The following LRRN3 variants were observed in gnomAD, a reference collection of about 807,000 sequenced individuals.
LRRN3 encodes leucine-rich repeat neuronal protein 3.
LRRN3 carries 15 observed loss-of-function variants against 40.1 expected under a neutral mutation model. That is an observed-to-expected ratio of 0.37 (90% CI 0.25 to 0.58). The LOEUF (loss-of-function observed/expected upper bound fraction) is 0.58. Ranked by LOEUF, LRRN3 falls within the 20% of genes least tolerant of loss-of-function variation. LRRN3 has a pLI of 0.72. For synonymous variants in LRRN3, 308 were observed against 297.2 expected (o/e 1.04, Z -0.37); for missense variants, 746 against 837.7 (o/e 0.89, Z 1.35).
At chr7:111,101,278 T>C (rs566451883) in intron 2 of LRRN3, among the ~76,000 whole-genome samples, 2 of 151,638 alleles carry the variant, frequency 1.3e-5, no homozygotes, top group South Asian at 2.1e-4. Flanking sequence ...GACCATGATA[T>C]AGATACATCC....
At position 111,111,423 on chromosome 7, in the gene LRRN3, C is replaced by A. The variant is rs913584035; in HGVS notation, c.-358-10992C>A. Among the ~76,000 whole-genome samples, 4 of 142,008 alleles carry A rather than the reference C, an allele frequency of 2.8e-5. No homozygotes were observed. In the East Asian group the frequency reaches 7.2e-4, roughly 25 times the overall value. 93.2% of individuals were successfully genotyped at this position (142,008 alleles called of 152,430 possible). On this transcript the variant is annotated intron_variant, in intron 2 of 2. Transcript: ENST00000308478. Reference sequence around the variant, plus strand: ...TCCATCCCCCCCCAAAAAAAAATGGCCCGTTAGTATTTTTACTTCCCCCGC... The same window carrying A: ...TCCATCCCCCCCCAAAAAAAAATGGACCGTTAGTATTTTTACTTCCCCCGC...
intron 2 of LRRN3, among the ~76,000 whole-genome samples, chr7:111,106,350 G>A (rs866375497): frequency 5.9e-5 from 9 of 151,920 alleles, no homozygotes; most frequent in African/African-American, 2.2e-4. Context: ...TCTGATGTGG[G>A]AAGGTCAACT....
chr7:111,113,565 A>G (rs535747664), intron 2 of LRRN3, among the ~76,000 whole-genome samples: 104 of 152,258 alleles, frequency 6.8e-4, no homozygotes, highest in Admixed American at 4.4e-3. Context: ...GACAGTCTTC[A>G]TGTGACATAA....
chr7:111,104,623 C>G (rs1052633676), intron 2 of LRRN3, among the ~76,000 whole-genome samples: 1 of 151,674 alleles, frequency 6.6e-6, no homozygotes, highest in Admixed American at 6.6e-5. Context: ...CCTATCTAGT[C>G]TTTTTGATTC....
At position 111,124,271 on chromosome 7, in the gene LRRN3, AC is replaced by A; in HGVS notation, c.1501del (p.Leu501Ter). ...GGTTTATATACTTGTATAGCAACTA[AC>A]CTAGTTGGCGCTGACTTGAAGTCTG... ...EGGLYTCIAT[N>X]LVGADLKSVM... On this transcript the variant is annotated frameshift_variant, in exon 3 of 3. Transcript: ENST00000308478. LOFTEE classifies it high-confidence loss of function. The A allele has an allele frequency of 6.2e-7, 1 of 1,613,932 alleles. No homozygotes were observed. The highest frequency in any genetic ancestry group is 8.5e-7 in the Non-Finnish European group (1 of 1,179,952).
intron 2 of LRRN3, among the ~76,000 whole-genome samples, chr7:111,108,478 A>G (rs1228690980): frequency 6.6e-6 from 1 of 152,168 alleles, no homozygotes; most frequent in Non-Finnish European, 1.5e-5. Flanking sequence ...GAGATATAAT[A>G]TATAAAAATC....
intron 1 of LRRN3, among the ~76,000 whole-genome samples, chr7:111,098,078 A>C (rs2129579305): frequency 6.6e-6 from 1 of 151,874 alleles, no homozygotes; most frequent in South Asian, 2.1e-4. Flanking sequence ...AGATAAACAT[A>C]CTCTAAGAAC....
chr7:111,097,869 T>G (rs984779312), intron 1 of LRRN3, among the ~76,000 whole-genome samples: 1 of 151,862 alleles, frequency 6.6e-6, no homozygotes, highest in African/African-American at 2.4e-5. Flanking sequence ...TCAATATATA[T>G]CTACACAGAT....
chr7:111,117,927 T>C (rs576532784), intron 2 of LRRN3, among the ~76,000 whole-genome samples: 2 of 152,242 alleles, frequency 1.3e-5, no homozygotes, highest in East Asian at 1.9e-4. Flanking sequence ...GCACACTTTG[T>C]TCTTAAGCTT....
chr7:111,098,658 A>T (rs1797651190), intron 1 of LRRN3, among the ~76,000 whole-genome samples: 1 of 151,772 alleles, frequency 6.6e-6, no homozygotes, highest in Admixed American at 6.6e-5. Flanking sequence ...CACTTAACAT[A>T]CATTTTCTCA....
chr7:111,095,315 G>C (rs1797289443), intron 1 of LRRN3, among the ~76,000 whole-genome samples: 1 of 151,762 alleles, frequency 6.6e-6, no homozygotes, highest in Non-Finnish European at 1.5e-5. Context: ...TTATTGGAGA[G>C]GCCTAGGTTA....
intron 2 of LRRN3, among the ~76,000 whole-genome samples, chr7:111,118,725 G>A (rs1252624265): frequency 2.0e-5 from 3 of 152,008 alleles, no homozygotes; most frequent in Non-Finnish European, 4.4e-5. Flanking sequence ...GCATATTAAT[G>A]AAATATCATA....
chr7:111,099,542 T>G (rs1797749381), intron 1 of LRRN3, among the ~76,000 whole-genome samples: 1 of 151,810 alleles, frequency 6.6e-6, no homozygotes, highest in Non-Finnish European at 1.5e-5. Flanking sequence ...TGTCACCTCC[T>G]GAAAGGGCTA....
chr7:111,114,777 A>G (rs1180676340), intron 2 of LRRN3, among the ~76,000 whole-genome samples: 1 of 151,932 alleles, frequency 6.6e-6, no homozygotes, highest in African/African-American at 2.4e-5. Flanking sequence ...AAAAAGAAAT[A>G]CATTGAAACC....
In LRRN3 at chr7:111,092,045, T is replaced by C. The variant is rs371374139; in HGVS notation, c.-441+541T>C. 2.6e-5 allele frequency among the ~76,000 whole-genome samples: 4 copies of C among 152,320 alleles called. No individual in the cohort carries two copies. The East Asian group carries it at 5.8e-4, about 22-fold the overall frequency. On this transcript the variant is annotated intron_variant, in intron 1 of 2. Transcript: ENST00000308478. ...TCCAGTGGATGCAAATTAAGGCAAATGCTGTTGTATGTTAAGAGCTAAACC... is the reference window on the plus strand; with the variant it reads ...TCCAGTGGATGCAAATTAAGGCAAACGCTGTTGTATGTTAAGAGCTAAACC...
At chr7:111,103,265 T>C (rs908966778) in intron 2 of LRRN3, among the ~76,000 whole-genome samples, 4 of 151,582 alleles carry the variant, frequency 2.6e-5, no homozygotes, top group African/African-American at 9.7e-5. Flanking sequence ...TCTTTATCTC[T>C]ATCTATTCCG....
At chr7:111,119,966 G>A (rs1048258037) in intron 2 of LRRN3, among the ~76,000 whole-genome samples, 5 of 152,164 alleles carry the variant, frequency 3.3e-5, no homozygotes, top group African/African-American at 9.7e-5. Flanking sequence ...TTGAACTGAG[G>A]TTTGAAAAGA....
intron 2 of LRRN3, among the ~76,000 whole-genome samples, chr7:111,117,012 T>C (rs965796770): frequency 2.0e-5 from 3 of 152,146 alleles, no homozygotes; most frequent in Non-Finnish European, 2.9e-5. Context: ...CTTAATTTAA[T>C]GATTAAAGTA....
chr7:111,117,555 T>C (rs1800036451), intron 2 of LRRN3, among the ~76,000 whole-genome samples: 1 of 152,060 alleles, frequency 6.6e-6, no homozygotes, highest in Admixed American at 6.5e-5. Context: ...TAAATTCAAA[T>C]AATTTGTTTT....
Sources: allele counts gnomAD v4.1 joint callset (sites outside exome capture counted in the v4.1 genomes callset), GRCh38; gene constraint gnomAD v4.1.1; transcripts MANE v1.5; gene names NCBI Gene and HGNC (gene_info 2026-07-23, HGNC 2026-07-21).